Variants in GINS1 observed in about 807,000 individuals in gnomAD.
The protein encoded by GINS1 is DNA replication complex GINS protein PSF1.
Under a neutral mutation model 34.9 loss-of-function variants are expected in GINS1, and 26 were observed. The ratio of observed to expected loss-of-function variants is 0.74; its 90% CI spans 0.55 to 1.03. The LOEUF is 1.03. GINS1 is among the 50% of genes least tolerant of loss of function. GINS1 has a pLI of 0.00. For missense variants in GINS1, 235 were observed against 237.9 expected (o/e 0.99, Z 0.08); for synonymous variants, 97 against 84.4 (o/e 1.15, Z -0.82).
At chr20:25,410,585 G>A (rs1383012258) in intron 1 of GINS1, among the ~76,000 whole-genome samples, 1 of 152,036 alleles carries the variant, frequency 6.6e-6, no homozygotes, top group Non-Finnish European at 1.5e-5. Context: ...TTTTGAGATG[G>A]GAGTTTCGCT....
intron 4 of GINS1, among the ~76,000 whole-genome samples, chr20:25,423,612 CTTTTTTTT>C (rs35923439): frequency 1.2e-5 from 1 of 85,524 alleles, no homozygotes; most frequent in Non-Finnish European, 2.3e-5. Flanking sequence ...TTTCTTCTCT[CTTTTTTTT>C]TTTTTTTTTC....
intron 6 of GINS1, among the ~76,000 whole-genome samples, chr20:25,444,911 T>C (rs1017002202): frequency 1.4e-4 from 21 of 152,232 alleles, no homozygotes; most frequent in Admixed American, 4.6e-4. Context: ...CACTTGTTAT[T>C]AGAAGAATGT....
chr20:25,418,733 C>T (rs1334865046), intron 4 of GINS1, among the ~76,000 whole-genome samples: 1 of 152,192 alleles, frequency 6.6e-6, no homozygotes, highest in Non-Finnish European at 1.5e-5. Context: ...TAACTACCTG[C>T]AGTTATTGTC....
At chr20:25,418,225 T>G (rs774169547) in intron 4 of GINS1, 30 bp downstream of exon 4, 95 of 1,251,684 alleles carry the variant, frequency 7.6e-5, no homozygotes, top group Middle Eastern at 1.9e-4. Context: ...GTTTATAAAT[T>G]TTGAAAATGC....
chr20:25,418,572 G>T (rs1409391439), intron 4 of GINS1, among the ~76,000 whole-genome samples: 1 of 152,120 alleles, frequency 6.6e-6, no homozygotes, highest in African/African-American at 2.4e-5. Context: ...ATTATTTAAG[G>T]ACATAGGATT....
chr20:25,433,057 TGTCTTTGGGTCTATAGTGA>T (rs2146214495), intron 5 of GINS1, among the ~76,000 whole-genome samples: 1 of 152,174 alleles, frequency 6.6e-6, no homozygotes, highest in South Asian at 2.1e-4. Context: ...TTAATGTTTG[TGTCTTTGGGTCTATAGTGA>T]GTCTCTTGTA....
At chr20:25,444,010 A>ATCTATCTATCTG (rs1377609471) in intron 6 of GINS1, among the ~76,000 whole-genome samples, 2 of 150,904 alleles carry the variant, frequency 1.3e-5, no homozygotes, top group African/African-American at 2.4e-5. Context: ...CTATCTATCT[A>ATCTATCTATCTG]TCTATCTATG....
chr20:25,439,039 T>G (rs2090468807), intron 5 of GINS1, among the ~76,000 whole-genome samples: 1 of 152,182 alleles, frequency 6.6e-6, no homozygotes, highest in Non-Finnish European at 1.5e-5. Context: ...AGGAAATTTG[T>G]TTTTATAGAA....
chr20:25,429,256 C>T (rs1475848695), intron 5 of GINS1, among the ~76,000 whole-genome samples: 1 of 151,910 alleles, frequency 6.6e-6, no homozygotes, highest in Non-Finnish European at 1.5e-5. Context: ...TCCCAGAGTG[C>T]CGGATTACAG....
chr20:25,447,007 AC>A lies in GINS1; in HGVS notation c.*1019del, dbSNP rs1474579850. 1.4e-5 allele frequency: 2 copies of A among 144,958 alleles called. No individual in the cohort carries two copies. Among genetic ancestry groups the A allele is most frequent in the Non-Finnish European group, 3.0e-5 (2 of 66,302 alleles). The allele number at this position is 144,958 out of a possible 1,614,324, so 9.0% of individuals were successfully genotyped here. The stretch of plus-strand genomic sequence containing the variant: ...TTTAAGCTTTATACTTTGGTCTATG[AC>A]CCGTTTTTTTTTTTGTTTTGTTTTG... On this transcript the variant is annotated 3_prime_UTR_variant, in exon 7 of 7. Transcript: ENST00000262460.
chr20:25,443,980 T>TTATCTAGC (rs1555834350), intron 6 of GINS1, among the ~76,000 whole-genome samples: 1 of 142,802 alleles, frequency 7.0e-6, no homozygotes, highest in Non-Finnish European at 1.5e-5. Context: ...TAGGAAACAT[T>TTATCTAGC]TATCTATCTA....
At chr20:25,423,629 TC>T (rs869258163) in intron 4 of GINS1, among the ~76,000 whole-genome samples, 106 of 26,888 alleles carry the variant, frequency 3.9e-3, no homozygotes, top group African/African-American at 0.027. Flanking sequence ...TTTTTTTTTT[TC>T]CGAGACGGAG....
intron 4 of GINS1, among the ~76,000 whole-genome samples, chr20:25,420,435 T>C (rs1778625448): frequency 6.6e-6 from 1 of 152,166 alleles, no homozygotes; most frequent in Non-Finnish European, 1.5e-5. Flanking sequence ...CCTGGCCTTA[T>C]ATAAAATAAT....
At chr20:25,427,381 A>G (rs1454977804) in intron 5 of GINS1, among the ~76,000 whole-genome samples, 1 of 152,076 alleles carries the variant, frequency 6.6e-6, no homozygotes, top group African/African-American at 2.4e-5. Context: ...TATTTTTAGT[A>G]GAGACACGGT....
At chr20:25,436,950 C>T (rs897160152) in intron 5 of GINS1, among the ~76,000 whole-genome samples, 1 of 152,176 alleles carries the variant, frequency 6.6e-6, no homozygotes, top group Non-Finnish European at 1.5e-5. Flanking sequence ...CCCTTTCCCC[C>T]AGGGTTTGCT....
chr20:25,417,515 A>G (rs2090328775), intron 3 of GINS1, among the ~76,000 whole-genome samples: 2 of 151,952 alleles, frequency 1.3e-5, no homozygotes, highest in South Asian at 2.1e-4. Flanking sequence ...ACGGTCTTTC[A>G]CTACTGAATA....
chr20:25,438,727 C>T (rs2090467141), intron 5 of GINS1, among the ~76,000 whole-genome samples: 1 of 152,058 alleles, frequency 6.6e-6, no homozygotes, highest in South Asian at 2.1e-4. Flanking sequence ...GTGCTCACAA[C>T]CACACCCAGC....
Position 25,413,773 on chromosome 20 carries a change from C to A in GINS1, c.76-17C>A. 6.8e-7 allele frequency: 1 copy of A among 1,471,540 alleles called. No homozygotes were observed. Among genetic ancestry groups the A allele is most frequent in the Non-Finnish European group, 9.5e-7 (1 of 1,049,888 alleles). 91.2% of individuals were successfully genotyped at this position (1,471,540 alleles called of 1,614,324 possible). A position where few individuals can be genotyped will look rare whatever the true frequency, so the allele number is the denominator to read the frequency against. ...TGGGGAAATCAGTGGATTTCAATAT[C>A]GGTTTATATGTTCTAGGAGGATGGA... On this transcript the variant is annotated splice_polypyrimidine_tract_variant and intron_variant, in intron 1 of 6. Transcript: ENST00000262460.
chr20:25,418,233 T>C (rs369774825), intron 4 of GINS1, 38 bp downstream of exon 4: 25 of 1,163,942 alleles, frequency 2.1e-5, no homozygotes, highest in Non-Finnish European at 3.1e-5. Flanking sequence ...ATTTTGAAAA[T>C]GCTAAAGTTC....
Sources: allele counts gnomAD v4.1 joint callset (sites outside exome capture counted in the v4.1 genomes callset), GRCh38; gene constraint gnomAD v4.1.1; transcripts MANE v1.5; gene names NCBI Gene and HGNC (gene_info 2026-07-23, HGNC 2026-07-21).